Variants in MED4 observed in about 807,000 individuals in gnomAD.
MED4 encodes mediator complex subunit 4, also known as mediator of RNA polymerase II transcription subunit 4.
MED4 carries 21 observed loss-of-function variants against 35.0 expected under a neutral mutation model. The ratio of observed to expected loss-of-function variants is 0.60; its 90% CI spans 0.43 to 0.86. The LOEUF is 0.86. Ranked by LOEUF, MED4 falls within the 40% of genes least tolerant of loss-of-function variation. MED4 has a pLI of 0.00. For synonymous variants in MED4, 138 were observed against 114.0 expected, an observed-to-expected ratio of 1.21 and a Z score of -1.34; for missense variants, 300 against 319.4, an observed-to-expected ratio of 0.94 and a Z score of 0.46.
chr13:48,079,687 C>A (rs908085149), intron 6 of MED4, 157 bp downstream of exon 6: 4 of 784,210 alleles, frequency 5.1e-6, no homozygotes, highest in Non-Finnish European at 7.6e-6. Flanking sequence ...TTCGCCAACA[C>A]GCTCCAGCCT....
rs1950881695 is a variant in MED4, at chr13:48,090,325, T to C, written c.192+27A>G. The C allele has an allele frequency of 2.6e-6, 4 of 1,509,982 alleles. No individual in the cohort carries two copies. The Admixed American group carries it at 6.9e-5, about 26-fold the overall frequency. 93.5% of individuals were successfully genotyped at this position (1,509,982 alleles called of 1,614,324 possible). On this transcript the variant is annotated intron_variant, in intron 2 of 6. Transcript: ENST00000258648. The stretch of plus-strand genomic sequence containing the variant: ...TTTTAATTAAAAAACAAAGAGAAAT[T>C]AACTAATTTAAAAAGAAGCCACTTA...
chr13:48,078,245 G>A (rs1950776633), intron 6 of MED4, among the ~76,000 whole-genome samples: 1 of 152,180 alleles, frequency 6.6e-6, no homozygotes, highest in African/African-American at 2.4e-5. Context: ...AGGTATGCCA[G>A]TTAGCCTCAA....
intron 1 of MED4, among the ~76,000 whole-genome samples, chr13:48,091,393 T>C (rs1333637776): frequency 2.0e-5 from 3 of 152,228 alleles, no homozygotes; most frequent in Non-Finnish European, 2.9e-5. Context: ...AAGGGGCAGC[T>C]TCACAACTAG....
chr13:48,087,138 G>T (rs889372283), intron 2 of MED4, among the ~76,000 whole-genome samples: 1 of 152,022 alleles, frequency 6.6e-6, no homozygotes, highest in Admixed American at 6.6e-5. Flanking sequence ...GGCCGAGGCA[G>T]GCGAATCACC....
Position 48,075,810 on chromosome 13 carries a change from T to C in MED4, c.*1329A>G, listed in dbSNP as rs1294062961. 6.6e-6 allele frequency: 1 copy of C among 152,244 alleles called. No homozygotes were observed. The highest frequency in any genetic ancestry group is 1.5e-5 in the Non-Finnish European group (1 of 68,040). The allele number at this position is 152,244 out of a possible 1,614,324, so 9.4% of individuals were successfully genotyped here. ...CGGACAAGGCAAGGTTAAAATTAGATATTGTGTTAGTCCATTCCTAAAAAT... is the reference window on the plus strand; with the variant it reads ...CGGACAAGGCAAGGTTAAAATTAGACATTGTGTTAGTCCATTCCTAAAAAT... On this transcript the variant is annotated 3_prime_UTR_variant, in exon 7 of 7. Coordinates refer to ENST00000258648, the MANE Select transcript of MED4 (RefSeq NM_014166.4).
chr13:48,087,154 T>G (rs974528488), intron 2 of MED4, among the ~76,000 whole-genome samples: 21 of 148,794 alleles, frequency 1.4e-4, no homozygotes, highest in African/African-American at 5.0e-4. Context: ...TCACCAGAGG[T>G]CAAAAGTTCG....
At chr13:48,094,531 A>C (rs1284484888) in intron 1 of MED4, among the ~76,000 whole-genome samples, 1 of 152,004 alleles carries the variant, frequency 6.6e-6, no homozygotes, top group Non-Finnish European at 1.5e-5. Context: ...CTACAACCAA[A>C]AAAGGTGCCT....
At chr13:48,089,379 T>G (rs1315976048) in intron 2 of MED4, among the ~76,000 whole-genome samples, 1 of 152,188 alleles carries the variant, frequency 6.6e-6, no homozygotes, top group Non-Finnish European at 1.5e-5. Context: ...TATTACTGTC[T>G]CCTCTTCTCC....
intron 4 of MED4, among the ~76,000 whole-genome samples, chr13:48,082,347 G>A (rs992054154): frequency 4.6e-5 from 7 of 152,068 alleles, no homozygotes; most frequent in Non-Finnish European, 1.0e-4. Context: ...CCTCTGAGAA[G>A]TGAGAACCAC....
intron 1 of MED4, 123 bp downstream of exon 1, chr13:48,094,831 C>T (rs981064443): frequency 9.9e-6 from 14 of 1,417,538 alleles, no homozygotes; most frequent in African/African-American, 1.4e-5. Flanking sequence ...CCTCATGCAC[C>T]CGAAACTCCC....
chr13:48,085,170 ATTTTTTTTTTTT>A (rs56225303), intron 3 of MED4, among the ~76,000 whole-genome samples: 4 of 139,362 alleles, frequency 2.9e-5, no homozygotes, highest in South Asian at 2.2e-4. Flanking sequence ...TGCCCAGCTA[ATTTTTTTTTTTT>A]TTTTTTTTTT....
At chr13:48,082,035 C>A (rs1289335768) in intron 4 of MED4, among the ~76,000 whole-genome samples, 1 of 152,052 alleles carries the variant, frequency 6.6e-6, no homozygotes, top group Non-Finnish European at 1.5e-5. Flanking sequence ...ATAGTGAGCA[C>A]AAATAAAATA....
At chr13:48,079,593 A>G (rs1243698929) in intron 6 of MED4, among the ~76,000 whole-genome samples, 2 of 152,084 alleles carry the variant, frequency 1.3e-5, no homozygotes, top group Admixed American at 1.3e-4. Context: ...TACAAAAATT[A>G]GCCAGGCCTG....
intron 6 of MED4, among the ~76,000 whole-genome samples, chr13:48,079,295 G>A: frequency 6.6e-6 from 1 of 152,138 alleles, no homozygotes; most frequent in Non-Finnish European, 1.5e-5. Flanking sequence ...GCTATGTTTA[G>A]AGCAATAATT....
At chr13:48,086,525 G>GT (rs2137835948) in intron 2 of MED4, 73 bp from the exon 3 acceptor site, 2 of 1,367,048 alleles carry the variant, frequency 1.5e-6, no homozygotes, top group Non-Finnish European at 2.0e-6. Flanking sequence ...CAAAGAATCC[G>GT]TAACTGAATT....
chr13:48,081,813 G>A (rs920416374), intron 4 of MED4, 82 bp from the exon 5 acceptor site: 11 of 726,906 alleles, frequency 1.5e-5, no homozygotes, highest in South Asian at 8.0e-5. Context: ...GTTACACATC[G>A]TATTTAATTT....
At chr13:48,084,912 G>A (rs367851330) in intron 3 of MED4, among the ~76,000 whole-genome samples, 11 of 151,740 alleles carry the variant, frequency 7.2e-5, no homozygotes, top group African/African-American at 2.7e-4. Flanking sequence ...TGTCGCCCAG[G>A]CTGGAGTGCA....
intron 1 of MED4, among the ~76,000 whole-genome samples, chr13:48,091,858 T>C (rs1416028543): frequency 6.6e-6 from 1 of 152,134 alleles, no homozygotes; most frequent in Non-Finnish European, 1.5e-5. Flanking sequence ...TCAGAGAAGG[T>C]CTTCCTAAGG....
chr13:48,080,452 T>G (rs1393869476), intron 5 of MED4, among the ~76,000 whole-genome samples: 1 of 151,404 alleles, frequency 6.6e-6, no homozygotes, highest in Non-Finnish European at 1.5e-5. Flanking sequence ...CCTTATAAAT[T>G]GTTATTAATA....
Sources: allele counts gnomAD v4.1 joint callset (sites outside exome capture counted in the v4.1 genomes callset), GRCh38; gene constraint gnomAD v4.1.1; transcripts MANE v1.5; gene names NCBI Gene and HGNC (gene_info 2026-07-23, HGNC 2026-07-21).